The following GRM4 variants were observed in gnomAD, a reference collection of about 807,000 sequenced individuals.
The protein encoded by GRM4 is glutamate metabotropic receptor 4, also known as metabotropic glutamate receptor 4.
In GRM4, 28 loss-of-function variants were observed where a neutral mutation model predicts 81.7. That is an observed-to-expected ratio of 0.34 (90% CI 0.25 to 0.47). The LOEUF (loss-of-function observed/expected upper bound fraction) is 0.47. Among genes scored for constraint, GRM4 ranks in the 20% least tolerant of loss-of-function variants. The pLI, the probability that GRM4 is intolerant of heterozygous loss-of-function variation, is 1.00. For synonymous variants in GRM4, 488 were observed against 528.8 expected, an observed-to-expected ratio of 0.92 and a Z score of 1.06; for missense variants, 948 against 1,290.0, an observed-to-expected ratio of 0.73 and a Z score of 4.06.
chr6:34,045,209 G>A (rs897140352), intron 6 of GRM4, among the ~76,000 whole-genome samples: 3 of 152,198 alleles, frequency 2.0e-5, no homozygotes, highest in Non-Finnish European at 2.9e-5. Flanking sequence ...AAGACAGGAC[G>A]CTCTGGCCTA....
rs1769402097 is a variant in GRM4 at position 34,112,000 on chromosome 6, A to G, written c.520-19901T>C. On this transcript the variant is annotated intron_variant, in intron 2 of 10. Coordinates refer to ENST00000538487, the MANE Select transcript of GRM4 (RefSeq NM_000841.4). The surrounding 1 kb of genome is among the most constrained non-coding windows in gnomAD (Gnocchi z 5.1). ...TGGGGAGGTCTCCTCACTCACCCCA[A>G]GTTGCACCTAAATAAACGTAGTGGA... Among the ~76,000 whole-genome samples, 1 of 152,168 alleles carries G rather than the reference A, an allele frequency of 6.6e-6. No individual in the cohort carries two copies.
rs1554123171 is a variant in GRM4, at chr6:34,069,202, A to ACG, written c.737-7175_737-7174insCG. 2.4e-3 allele frequency among the ~76,000 whole-genome samples: 337 copies of ACG among 142,294 alleles called. No individual in the cohort carries two copies. Among genetic ancestry groups the ACG allele is most frequent in the Middle Eastern group, 7.2e-3 (2 of 276 alleles). The allele number at this position is 142,294 out of a possible 152,430, so 93.4% of individuals were successfully genotyped here. A position where few individuals can be genotyped will look rare whatever the true frequency, so the allele number is the denominator to read the frequency against. On this transcript the variant is annotated intron_variant, in intron 3 of 10. Coordinates refer to ENST00000538487, the MANE Select transcript of GRM4 (RefSeq NM_000841.4). This position sits in a 1 kb window ranked among gnomAD's most constrained non-coding sequence, Gnocchi z 6.4. Reference sequence around the variant, plus strand: ...CACACACACACACACACACACACACACACGCACGCACACACGGCTCCTTCC... The same window carrying ACG: ...CACACACACACACACACACACACACACGCACGCACGCACACACGGCTCCTTCC...
In GRM4 at chr6:34,121,981, G is replaced by A. The variant is rs867063619; in HGVS notation, c.519+10997C>T. Among the ~76,000 whole-genome samples, 5 of 152,018 alleles carry A rather than the reference G, an allele frequency of 3.3e-5. No homozygotes were observed. The highest frequency in any genetic ancestry group is 2.1e-4 in the South Asian group (1 of 4,818). ...TCGGAGGGAGGGGTCTGGGTGGGGC[G>A]GGTGCCCACCAGGAAGTGCTCAGTA... On this transcript the variant is annotated intron_variant, in intron 2 of 10. Transcript: ENST00000538487. The surrounding 1 kb of genome is among the most constrained non-coding windows in gnomAD (Gnocchi z 4.6).
rs1373389718 is a variant in GRM4, at chr6:34,111,458, T to C, written c.520-19359A>G. ...GCACTGGTGGAGGCAGCATTAACAG[T>C]GTATTTTGGGGAGCACAAGAGAGTG... On this transcript the variant is annotated intron_variant, in intron 2 of 10. Transcript: ENST00000538487. This position sits in a 1 kb window ranked among gnomAD's most constrained non-coding sequence, Gnocchi z 5.1. Among the ~76,000 whole-genome samples the C allele has an allele frequency of 2.0e-5, 3 of 151,854 alleles. No individual in the cohort carries two copies. The highest frequency in any genetic ancestry group is 2.9e-5 in the Non-Finnish European group (2 of 67,960).
rs1766754985 is a variant in GRM4 at position 34,070,438 on chromosome 6, CG to C, written c.737-8411del. Reference sequence around the variant, plus strand: ...GTGCATGCTGGCTGTGCAAAGGCACCGGGTCACAAGGGCCCTGCCTGAAGAC... The same window carrying C: ...GTGCATGCTGGCTGTGCAAAGGCACCGGTCACAAGGGCCCTGCCTGAAGAC... On this transcript the variant is annotated intron_variant, in intron 3 of 10. Transcript: ENST00000538487. The surrounding 1 kb of genome is among the most constrained non-coding windows in gnomAD (Gnocchi z 4.6). Among the ~76,000 whole-genome samples, 1 of 152,020 alleles carries C rather than the reference CG, an allele frequency of 6.6e-6. No individual in the cohort carries two copies. The highest frequency in any genetic ancestry group is 1.5e-5 in the Non-Finnish European group (1 of 68,002).
intron 2 of GRM4, among the ~76,000 whole-genome samples, chr6:34,099,834 G>A (rs545741029): frequency 3.3e-5 from 5 of 152,278 alleles, no homozygotes; most frequent in Non-Finnish European, 5.9e-5. Context: ...CAGATCGGGA[G>A]ACTGTCTGTC....
At chr6:34,116,773 G>A (rs1473042743) in intron 2 of GRM4, among the ~76,000 whole-genome samples, 1 of 152,178 alleles carries the variant, frequency 6.6e-6, no homozygotes, top group Admixed American at 6.5e-5. Flanking sequence ...ATGTCCAGTG[G>A]CAGCAGAAAG....
Position 34,133,985 on chromosome 6 carries a change from T to A in GRM4, c.-363-126A>T. ...AGGTTATCGCCGAAGATTCCATAAA[T>A]CTCCTGAACTTGGTTTCCTCTCCGC... On this transcript the variant is annotated intron_variant, in intron 1 of 10. Transcript: ENST00000538487. This position sits in a 1 kb window ranked among gnomAD's most constrained non-coding sequence, Gnocchi z 6.5. 3.2e-6 allele frequency: 1 copy of A among 312,290 alleles called. No individual in the cohort carries two copies. The highest frequency in any genetic ancestry group is 4.7e-6 in the Non-Finnish European group (1 of 214,340). 19.3% of individuals were successfully genotyped at this position (312,290 alleles called of 1,614,324 possible). A position where few individuals can be genotyped will look rare whatever the true frequency, so the allele number is the denominator to read the frequency against.
At chr6:34,103,824 C>T (rs1187664760) in intron 2 of GRM4, 13 of 1,428,584 alleles carry the variant, frequency 9.1e-6, no homozygotes, top group Admixed American at 2.9e-5. Context: ...ACAGGCACCA[C>T]GGTGAAAGAC....
chr6:34,039,322 T>C (rs1764881781), intron 8 of GRM4, among the ~76,000 whole-genome samples: 1 of 152,144 alleles, frequency 6.6e-6, no homozygotes. Flanking sequence ...GAAGAGATTA[T>C]GACAAGAGGA....
At chr6:34,123,145 C>T (rs1033234952) in intron 2 of GRM4, among the ~76,000 whole-genome samples, 3 of 152,184 alleles carry the variant, frequency 2.0e-5, no homozygotes, top group African/African-American at 7.2e-5. Flanking sequence ...AAAGCAGGAC[C>T]TGGGCCACAG....
rs1283152287 is a variant in GRM4 at position 34,078,659 on chromosome 6, C to T, written c.736+13224G>A. Among the ~76,000 whole-genome samples, 3 of 152,044 alleles carry T rather than the reference C, an allele frequency of 2.0e-5. No individual in the cohort carries two copies. Among genetic ancestry groups the T allele is most frequent in the African/African-American group, 7.3e-5 (3 of 41,370 alleles). On this transcript the variant is annotated intron_variant, in intron 3 of 10. Coordinates refer to ENST00000538487, the MANE Select transcript of GRM4 (RefSeq NM_000841.4). The surrounding 1 kb of genome is among the most constrained non-coding windows in gnomAD (Gnocchi z 4.8). Reference sequence around the variant, plus strand: ...ACAGGGCCTCCACTGTCCCCTGTCCCGCACCCCTCCGCAGCCCCTACTGCG... The same window carrying T: ...ACAGGGCCTCCACTGTCCCCTGTCCTGCACCCCTCCGCAGCCCCTACTGCG...
chr6:34,130,365 G>A lies in GRM4; in HGVS notation c.519+2613C>T, dbSNP rs1377343242. On this transcript the variant is annotated intron_variant, in intron 2 of 10. Transcript: ENST00000538487. The surrounding 1 kb of genome is among the most constrained non-coding windows in gnomAD (Gnocchi z 4.1). ...GGTCTCTACCTCCCGGTCCTGCCTT[G>A]CTCTCTGTGCAGCCTGAGGGGCTCC... 6.6e-6 allele frequency among the ~76,000 whole-genome samples: 1 copy of A among 152,024 alleles called. No homozygotes were observed. Among genetic ancestry groups the A allele is most frequent in the Non-Finnish European group, 1.5e-5 (1 of 68,018 alleles).
intron 2 of GRM4, chr6:34,102,084 C>A (rs1335458618): frequency 1.3e-6 from 2 of 1,535,586 alleles, no homozygotes; most frequent in Non-Finnish European, 1.7e-6. Flanking sequence ...CTCTTGGCGC[C>A]ATCATGGGGA....
At chr6:34,087,708 C>CACACA (rs1371268157) in intron 3 of GRM4, among the ~76,000 whole-genome samples, 1 of 137,852 alleles carries the variant, frequency 7.3e-6, no homozygotes, top group African/African-American at 2.7e-5. Flanking sequence ...AACCCCCCCC[C>CACACA]CACACACACA....
At chr6:34,104,158 T>C in intron 2 of GRM4, among the ~76,000 whole-genome samples, 1 of 152,232 alleles carries the variant, frequency 6.6e-6, no homozygotes, top group East Asian at 1.9e-4. Flanking sequence ...CAGGCAATGA[T>C]GACCTTAGGT....
At chr6:34,072,442 AC>A (rs1369556727) in intron 3 of GRM4, among the ~76,000 whole-genome samples, 9 of 137,874 alleles carry the variant, frequency 6.5e-5, no homozygotes, top group African/African-American at 2.5e-4. Flanking sequence ...ACACACACTC[AC>A]CACACGCCAC....
At chr6:34,086,380 A>G (rs888479055) in intron 3 of GRM4, among the ~76,000 whole-genome samples, 1 of 152,200 alleles carries the variant, frequency 6.6e-6, no homozygotes, top group African/African-American at 2.4e-5. Context: ...ACCCAGCAAC[A>G]GCTTGACTCA....
In GRM4 at chr6:34,048,111, C is replaced by G. The variant is rs1489599652; in HGVS notation, c.1169-7363G>C. The stretch of plus-strand genomic sequence containing the variant: ...TGAGAATGCAGACTTTAAGAATCCT[C>G]ACGGCACTCCTGTGTCCCTGCGAAT... On this transcript the variant is annotated intron_variant, in intron 6 of 10. Coordinates refer to ENST00000538487, the MANE Select transcript of GRM4 (RefSeq NM_000841.4). The surrounding 1 kb of genome is among the most constrained non-coding windows in gnomAD (Gnocchi z 4.0). Among the ~76,000 whole-genome samples the G allele has an allele frequency of 6.6e-6, 1 of 152,148 alleles. No homozygotes were observed. The highest frequency in any genetic ancestry group is 1.5e-5 in the Non-Finnish European group (1 of 68,034).
Sources: gnomAD v4.1 joint callset for allele counts (sites outside exome capture counted in the v4.1 genomes callset) on GRCh38, gnomAD v4.1.1 for gene constraint, Gnocchi (gnomAD v3.1) non-coding constraint, MANE v1.5 for transcripts, NCBI Gene and HGNC (gene_info 2026-07-23, HGNC 2026-07-21) for gene names.